EFCAB14: variants seen among roughly 807,000 people sequenced by gnomAD.
EFCAB14 encodes the protein EF-hand calcium binding domain 14, also known as EF-hand calcium-binding domain-containing protein 14.
In EFCAB14, 43 loss-of-function variants were observed where a neutral mutation model predicts 56.5. That is an observed-to-expected ratio of 0.76 (90% CI 0.60 to 0.98). The LOEUF is 0.98. Among genes scored for constraint, EFCAB14 ranks in the 50% least tolerant of loss-of-function variants. The pLI is 0.00. For synonymous variants in EFCAB14, 235 were observed against 212.9 expected, an observed-to-expected ratio of 1.10 and a Z score of -0.90; for missense variants, 538 against 580.3, an observed-to-expected ratio of 0.93 and a Z score of 0.75.
At chr1:46,693,658 G>A (rs1677033346) in intron 4 of EFCAB14, among the ~76,000 whole-genome samples, 1 of 152,080 alleles carries the variant, frequency 6.6e-6, no homozygotes, top group South Asian at 2.1e-4. Context: ...CCATTGGGAT[G>A]CCAGAAGATA....
intron 4 of EFCAB14, among the ~76,000 whole-genome samples, chr1:46,695,197 G>C (rs563725447): frequency 6.6e-6 from 1 of 152,298 alleles, no homozygotes; most frequent in African/African-American, 2.4e-5. Context: ...TTGTGCACAT[G>C]TACCCTAGAA....
intron 10 of EFCAB14, among the ~76,000 whole-genome samples, chr1:46,681,252 C>G (rs1676789512): frequency 6.6e-6 from 1 of 152,194 alleles, no homozygotes. Context: ...AGCCACTGCA[C>G]CTGGCCGTAT....
Position 46,696,550 on chromosome 1 carries a change from C to A in EFCAB14, c.579+1G>T. On this transcript the variant is annotated splice_donor_variant, in intron 4 of 10. Coordinates refer to ENST00000371933, the MANE Select transcript of EFCAB14 (RefSeq NM_014774.3). LOFTEE classifies it high-confidence loss of function. ...TCTCTGTACCCACACATGGCACCTA[C>A]CTTCTGAAGTCCCTCTACAGTGGTA... 2.5e-6 allele frequency: 4 copies of A among 1,613,110 alleles called. No individual in the cohort carries two copies. Among genetic ancestry groups the A allele is most frequent in the Non-Finnish European group, 3.4e-6 (4 of 1,179,326 alleles).
intron 10 of EFCAB14, chr1:46,683,073 G>A: frequency 2.7e-6 from 1 of 366,222 alleles, no homozygotes. Context: ...ATTATTTGCT[G>A]TGTGGACTTA....
intron 4 of EFCAB14, among the ~76,000 whole-genome samples, chr1:46,692,355 TGG>T (rs1412525497): frequency 1.3e-5 from 2 of 152,232 alleles, no homozygotes; most frequent in African/African-American, 4.8e-5. Flanking sequence ...CCCCTGCTCA[TGG>T]ACATTTAGGC....
rs1054440645 is a variant in EFCAB14, at chr1:46,677,046, T to TC, written c.*1414_*1415insG. 6 of 152,610 alleles carry TC rather than the reference T, an allele frequency of 3.9e-5. No homozygotes were observed. Among genetic ancestry groups the TC allele is most frequent in the African/African-American group, 1.4e-4 (6 of 41,416 alleles). The allele number at this position is 152,610 out of a possible 1,614,324, so 9.5% of individuals were successfully genotyped here. ...CAAAGTTAAGTTTTTGTAGTTTTTT[T>TC]TTCCCCTTTCAAGTTGTTGCCCAAA... On this transcript the variant is annotated 3_prime_UTR_variant, in exon 11 of 11. Transcript: ENST00000371933.
intron 6 of EFCAB14, among the ~76,000 whole-genome samples, chr1:46,688,904 C>A (rs946708775): frequency 6.6e-6 from 1 of 152,218 alleles, no homozygotes; most frequent in Admixed American, 6.5e-5. Flanking sequence ...TTTGTCAGAA[C>A]AAACCTACCT....
intron 3 of EFCAB14, among the ~76,000 whole-genome samples, chr1:46,704,586 A>G (rs960577069): frequency 5.3e-5 from 8 of 152,022 alleles, no homozygotes; most frequent in Non-Finnish European, 1.2e-4. Context: ...CCTCCACCAG[A>G]CACCAAATCT....
At chr1:46,691,763 G>T in intron 5 of EFCAB14, 64 bp downstream of exon 5, 1 of 1,222,154 alleles carries the variant, frequency 8.2e-7, no homozygotes, top group South Asian at 1.3e-5. Flanking sequence ...GTGGAAAGTT[G>T]GCAACATGAC....
At chr1:46,694,953 T>C (rs1318609161) in intron 4 of EFCAB14, among the ~76,000 whole-genome samples, 1 of 151,820 alleles carries the variant, frequency 6.6e-6, no homozygotes, top group African/African-American at 2.4e-5. Context: ...CTGGAAACCA[T>C]CATTCTCAGC....
rs1446136643 is a variant in EFCAB14, at chr1:46,686,857, G to T, written c.1001C>A (p.Ser334Tyr). The T allele has an allele frequency of 1.2e-6, 2 of 1,613,632 alleles. No homozygotes were observed. Among genetic ancestry groups the T allele is most frequent in the East Asian group, 4.5e-5 (2 of 44,854 alleles). ...CAAAGACTGTCTTTTCAGAGTGGCA[G>T]ATCTATCACCCATCTTAAAGGGCAA... is the stretch of plus-strand genomic sequence containing the variant. ...NLSFSMMGDR[S>Y]ATLKRQSLDQ... The change falls in exon 8 of 11, where the codon TCT (serine) becomes TAT (tyrosine). Residue 334 changes from serine (S) to tyrosine (Y), a missense_variant. Physicochemically the swap from Ser to Tyr is moderately radical, Grantham distance 144. Coordinates refer to ENST00000371933, the MANE Select transcript of EFCAB14 (RefSeq NM_014774.3).
rs1179572092 is a variant in EFCAB14 at position 46,677,087 on chromosome 1, C to T, written c.*1374G>A. On this transcript the variant is annotated 3_prime_UTR_variant, in exon 11 of 11. Coordinates refer to ENST00000371933, the MANE Select transcript of EFCAB14 (RefSeq NM_014774.3). ...GTTGCCCAAAGACTGCTTCTAAGAA[C>T]AACACAGCAATTCTAGACTCAACAT... 3 of 152,546 alleles carry T rather than the reference C, an allele frequency of 2.0e-5. No homozygotes were observed. Among genetic ancestry groups the T allele is most frequent in the Non-Finnish European group, 4.4e-5 (3 of 68,026 alleles). The allele number at this position is 152,546 out of a possible 1,614,324, so 9.4% of individuals were successfully genotyped here.
intron 2 of EFCAB14, among the ~76,000 whole-genome samples, chr1:46,710,218 T>C (rs1268742044): frequency 6.6e-6 from 1 of 152,212 alleles, no homozygotes; most frequent in African/African-American, 2.4e-5. Context: ...TAAAAAAAAA[T>C]TGATATATGG....
intron 3 of EFCAB14, among the ~76,000 whole-genome samples, chr1:46,697,893 C>G (rs1232550599): frequency 6.7e-6 from 1 of 149,908 alleles, no homozygotes; most frequent in Non-Finnish European, 1.5e-5. Context: ...GCTCTGTTGC[C>G]CAGGCTGGAG....
At chr1:46,716,555 TGAA>T in intron 1 of EFCAB14, 112 bp from the exon 2 acceptor site, 1 of 1,248,118 alleles carries the variant, frequency 8.0e-7, no homozygotes, top group South Asian at 1.5e-5. Context: ...GAATAACCAG[TGAA>T]TTAACCAGGG....
rs1431957571 is a variant in EFCAB14 at position 46,688,260 on chromosome 1, A to G, written c.987+93T>C. On this transcript the variant is annotated intron_variant, in intron 7 of 10. Transcript: ENST00000371933. ...ACAACACAAATGTGTGGCCTCTCAAATATGCCAGAAGGCTGTTCTCAAAAG... is the reference window on the plus strand; with the variant it reads ...ACAACACAAATGTGTGGCCTCTCAAGTATGCCAGAAGGCTGTTCTCAAAAG... 1.3e-5 allele frequency: 16 copies of G among 1,256,582 alleles called. No individual in the cohort carries two copies. The East Asian group carries it at 2.3e-4, about 18-fold the overall frequency. The allele number at this position is 1,256,582 out of a possible 1,614,324, so 77.8% of individuals were successfully genotyped here.
chr1:46,708,104 C>T, intron 2 of EFCAB14, 53 bp from the exon 3 acceptor site: 1 of 1,500,464 alleles, frequency 6.7e-7, no homozygotes, highest in South Asian at 1.3e-5. Flanking sequence ...CCCTCATGGT[C>T]CTAAGATGAA....
chr1:46,684,717 T>C (rs944677034), intron 8 of EFCAB14, 115 bp from the exon 9 acceptor site: 46 of 754,006 alleles, frequency 6.1e-5, no homozygotes, highest in Non-Finnish European at 7.4e-5. Context: ...GTAGGTTCCC[T>C]ATAAAGACAA....
Position 46,678,473 on chromosome 1 carries a change from A to C in EFCAB14, c.1476T>G (p.Ala492=). 2 of 1,614,132 alleles carry C rather than the reference A, an allele frequency of 1.2e-6. No individual in the cohort carries two copies. Reference sequence around the variant, plus strand: ...ATGCCTGATGAAGCTAGATACCTAAAGCTACCCTTAGCTCCAGGAATGAGT... The same window carrying C: ...ATGCCTGATGAAGCTAGATACCTAACGCTACCCTTAGCTCCAGGAATGAGT... ...GRYSFLELRV[A]LGI The change falls in exon 11 of 11, where the codon GCT becomes GCG. Residue 492 remains alanine (A), a synonymous_variant. Coordinates refer to ENST00000371933, the MANE Select transcript of EFCAB14 (RefSeq NM_014774.3).
Sources: allele counts gnomAD v4.1 joint callset (sites outside exome capture counted in the v4.1 genomes callset), GRCh38; gene constraint gnomAD v4.1.1; transcripts MANE v1.5; gene names NCBI Gene and HGNC (gene_info 2026-07-23, HGNC 2026-07-21).